Variants in DCHS1 observed in about 807,000 individuals in gnomAD.
DCHS1 encodes dachsous cadherin-related 1, also known as protocadherin-16.
A neutral mutation model predicts 213.9 loss-of-function variants in DCHS1; 78 were observed. The observed-to-expected ratio is 0.36, with a 90% CI of 0.30 to 0.44. The LOEUF is 0.44. DCHS1 is among the 20% of genes least tolerant of loss of function. The probability of loss-of-function intolerance (pLI) is 1.00; values close to 1 mark genes in which losing one functional copy is unlikely to be tolerated. For synonymous variants in DCHS1, 1,828 were observed against 1,873.7 expected (o/e 0.98, Z 0.63); for missense variants, 3,946 against 4,395.9 (o/e 0.90, Z 2.89).
intron 8 of DCHS1, 36 bp from the exon 9 acceptor site, chr11:6,631,246 C>G (rs1453247650): frequency 1.5e-5 from 24 of 1,612,950 alleles, no homozygotes; most frequent in Non-Finnish European, 2.0e-5. Flanking sequence ...GGCTTGGGGC[C>G]CAGAGCTGGG....
At chr11:6,643,501 C>A (rs1856111357) in intron 1 of DCHS1, among the ~76,000 whole-genome samples, 1 of 152,148 alleles carries the variant, frequency 6.6e-6, no homozygotes, top group Non-Finnish European at 1.5e-5. Flanking sequence ...AATCTCTTCT[C>A]CTCGGTTTCA....
At chr11:6,649,017 G>T (rs1432216564) in intron 1 of DCHS1, among the ~76,000 whole-genome samples, 1 of 152,026 alleles carries the variant, frequency 6.6e-6, no homozygotes, top group East Asian at 1.9e-4. Flanking sequence ...TTAAATGGTT[G>T]ATATGAGAGT....
chr11:6,626,869 C>T lies in DCHS1; in HGVS notation c.6170G>A (p.Gly2057Glu). 7 of 1,613,490 alleles carry T rather than the reference C, an allele frequency of 4.3e-6. No homozygotes were observed. Among genetic ancestry groups the T allele is most frequent in the Non-Finnish European group, 5.9e-6 (7 of 1,179,882 alleles). ...ARSATGVIIV[G>E]LQGEAERGPR... Reference sequence around the variant, plus strand: ...TCCACGCTCAGCTTCCCCCTGCAGTCCAACAATGATCACACCAGTGGCAGA... The same window carrying T: ...TCCACGCTCAGCTTCCCCCTGCAGTTCAACAATGATCACACCAGTGGCAGA... The change falls in exon 14 of 21, where the codon GGA becomes GAA. Residue 2057 changes from glycine to glutamate, a missense_variant. By Grantham distance (98) the Gly-to-Glu change is moderately conservative. Around this residue, in one of 3 missense-constraint regions of DCHS1, gnomAD observed 3,384 missense variants for 3,780.1 expected, o/e 0.90. Coordinates refer to ENST00000299441, the MANE Select transcript of DCHS1 (RefSeq NM_003737.4). This position sits in a 1 kb window ranked among gnomAD's most constrained non-coding sequence, Gnocchi z 5.2.
chr11:6,654,263 A>C (rs1856284670), intron 1 of DCHS1, among the ~76,000 whole-genome samples: 1 of 152,136 alleles, frequency 6.6e-6, no homozygotes, highest in African/African-American at 2.4e-5. Context: ...GGTAAGGGCA[A>C]CTGTGGCACA....
At chr11:6,642,162 A>G (rs1856087276) in intron 1 of DCHS1, among the ~76,000 whole-genome samples, 1 of 152,110 alleles carries the variant, frequency 6.6e-6, no homozygotes, top group African/African-American at 2.4e-5. Flanking sequence ...AATACTACAT[A>G]TGCTCAAGTC....
chr11:6,637,846 C>T (rs539996786), intron 2 of DCHS1, among the ~76,000 whole-genome samples: 32 of 152,176 alleles, frequency 2.1e-4, no homozygotes, highest in East Asian at 5.8e-4. Flanking sequence ...GACTGTATTC[C>T]GTGTCTCTAA....
chr11:6,629,610 G>A (rs1368121234), intron 11 of DCHS1, 33 bp from the exon 12 acceptor site: 2 of 1,613,218 alleles, frequency 1.2e-6, no homozygotes, highest in Admixed American at 1.7e-5. Flanking sequence ...GCGATCAGAG[G>A]GTAAAAATGC....
chr11:6,639,839 T>G lies in DCHS1; in HGVS notation c.1775A>C (p.Gln592Pro), dbSNP rs1431427458. ...CACCTGCAGGAAGCAAGTTCCAGGC[T>G]GGGTGCCCTCAGGCAGTGAGGCATT... is the stretch of plus-strand genomic sequence containing the variant. ...FYNASLPEGT[Q>P]PGTCFLQVTA... The change falls in exon 2 of 21, where the codon CAG becomes CCG. Residue 592 changes from glutamine (Q) to proline (P), a missense_variant. By Grantham distance (76) the Gln-to-Pro change is moderately conservative (BLOSUM62 -1). This residue lies in a region of DCHS1 where 3,384 missense variants were observed against 3,780.1 expected (regional missense o/e 0.90). Transcript: ENST00000299441. 1.2e-6 allele frequency: 2 copies of G among 1,602,660 alleles called. No individual in the cohort carries two copies. Among genetic ancestry groups the G allele is most frequent in the Admixed American group, 1.7e-5 (1 of 59,580 alleles).
At position 6,622,361 on chromosome 11, in the gene DCHS1, A is replaced by G; in HGVS notation, c.9315T>C (p.Thr3105=). ...AGLLLPGAGA[T]LYREEGPPAT... ...CTGGGGGCCCCTCCTCTCTGTAGAG[A>G]GTGGCTCCTGCACCTGGCAGCAGCA... The change falls in exon 21 of 21, where the codon ACT becomes ACC. Residue 3105 remains threonine (T), a synonymous_variant. Transcript: ENST00000299441. The surrounding 1 kb of genome is among the most constrained non-coding windows in gnomAD (Gnocchi z 5.4). 1.3e-6 allele frequency: 2 copies of G among 1,580,770 alleles called. No homozygotes were observed. Among genetic ancestry groups the G allele is most frequent in the Admixed American group, 1.8e-5 (1 of 55,380 alleles).
chr11:6,638,372 C>T (rs112591827), intron 2 of DCHS1, among the ~76,000 whole-genome samples: 2 of 152,352 alleles, frequency 1.3e-5, no homozygotes, highest in African/African-American at 4.8e-5. Flanking sequence ...GAGTCCTTCA[C>T]TTGCTCCCTA....
At chr11:6,636,206 ATTAT>A (rs1401520802) in intron 2 of DCHS1, among the ~76,000 whole-genome samples, 1 of 152,044 alleles carries the variant, frequency 6.6e-6, no homozygotes, top group African/African-American at 2.4e-5. Flanking sequence ...CAAAACATAA[ATTAT>A]TTATTTATTT....
chr11:6,635,108 C>T (rs758048933), intron 2 of DCHS1: 3 of 152,108 alleles, frequency 2.0e-5, no homozygotes, highest in Admixed American at 1.3e-4. Context: ...AAGAACTCAC[C>T]GACAGTGGAA....
rs1855900635 is a variant in DCHS1 at position 6,631,131 on chromosome 11, C to G, written c.3852G>C (p.Arg1284=). The G allele has an allele frequency of 6.2e-7, 1 of 1,613,374 alleles. No homozygotes were observed. Among genetic ancestry groups the G allele is most frequent in the Admixed American group, 1.7e-5 (1 of 59,978 alleles). Residue 1284 remains arginine, a synonymous_variant, in exon 9 of 21, where the codon CGG becomes CGC. Transcript: ENST00000299441. ...LTAAPLIRAE[R]PHYVLTLSAH... ...CACTCAGTGTCAGCACATAGTGGGG[C>G]CGCTCTGCTCGGATCAGGGGAGCTG... is the stretch of plus-strand genomic sequence containing the variant.
rs1344992435 is a variant in DCHS1 at position 6,633,908 on chromosome 11, G to T, written c.2099C>A (p.Pro700Gln). Residue 700 changes from proline to glutamine, a missense_variant, in exon 4 of 21, where the codon CCA becomes CAA. Physicochemically the swap from Pro to Gln is moderately conservative, Grantham distance 76. Coordinates refer to ENST00000299441, the MANE Select transcript of DCHS1 (RefSeq NM_003737.4). The part of the protein sequence containing the change: ...YAASISAQSP[P>Q]GTAVLRLRAH... ...ACGCAACCTCAGCACAGCTGTGCCTGGTGGACTCTGGGCACTTATACTGGC... is the reference window on the plus strand; with the variant it reads ...ACGCAACCTCAGCACAGCTGTGCCTTGTGGACTCTGGGCACTTATACTGGC... 6.2e-7 allele frequency: 1 copy of T among 1,613,908 alleles called. No homozygotes were observed. Among genetic ancestry groups the T allele is most frequent in the Admixed American group, 1.7e-5 (1 of 60,006 alleles).
In DCHS1 at chr11:6,632,998, G is replaced by A; in HGVS notation, c.2514C>T (p.Ser838=). 6.2e-7 allele frequency: 1 copy of A among 1,613,220 alleles called. No homozygotes were observed. The highest frequency in any genetic ancestry group is 8.5e-7 in the Non-Finnish European group (1 of 1,179,230). ...GCAACAGTCCTGATACCGCATCTAG[G>A]GAGAAGAGTCCTCGGGGATCCCCAC... ...LSGGDPRGLF[S]LDAVSGLLQT... is the part of the protein sequence containing the mutation. Residue 838 remains serine, a synonymous_variant, in exon 6 of 21, where the codon TCC becomes TCT. Transcript: ENST00000299441. This position sits in a 1 kb window ranked among gnomAD's most constrained non-coding sequence, Gnocchi z 5.9.
rs1855848690 is a variant in DCHS1, at chr11:6,628,588, T to A, written c.5371+33A>T. 1.2e-6 allele frequency: 2 copies of A among 1,610,814 alleles called. No homozygotes were observed. The highest frequency in any genetic ancestry group is 1.7e-6 in the Non-Finnish European group (2 of 1,177,774). On this transcript the variant is annotated intron_variant, in intron 13 of 20. Transcript: ENST00000299441. The surrounding 1 kb of genome is among the most constrained non-coding windows in gnomAD (Gnocchi z 4.3). ...AAGGAGCAAGAACCAGGCAAGTGGG[T>A]GCTGAATTAAGTGGGAGTGGGAAGG... is the stretch of plus-strand genomic sequence containing the variant.
At chr11:6,655,443 T>G in intron 1 of DCHS1, 120 bp downstream of exon 1, 1 of 474,308 alleles carries the variant, frequency 2.1e-6, no homozygotes, top group Non-Finnish European at 2.6e-6. Flanking sequence ...AGGCCCCCCC[T>G]CCCCCATTGT....
Position 6,622,744 on chromosome 11 carries a change from C to T in DCHS1, c.8932G>A (p.Ala2978Thr). 1.3e-6 allele frequency: 2 copies of T among 1,591,448 alleles called. No homozygotes were observed. The highest frequency in any genetic ancestry group is 1.7e-6 in the Non-Finnish European group (2 of 1,169,286). The change falls in exon 21 of 21, where the codon GCA becomes ACA. Residue 2978 changes from alanine to threonine, a missense_variant. Transcript: ENST00000299441. This position sits in a 1 kb window ranked among gnomAD's most constrained non-coding sequence, Gnocchi z 5.4. The part of the protein sequence containing the change: ...AEAAPGPMSQ[A>T]APLASDSLQK... ...AGTGAGTCACTGGCTAGGGGTGCTG[C>T]CTGTGACATTGGGCCAGGGGCTGCC...
chr11:6,641,799 G>C lies in DCHS1; in HGVS notation c.-120-66C>G, dbSNP rs751048128. 1.1e-3 allele frequency: 1,403 copies of C among 1,312,446 alleles called. 1 individual carries two copies. Among genetic ancestry groups the C allele is most frequent in the Admixed American group, 1.6e-3 (56 of 34,346 alleles). The allele number at this position is 1,312,446 out of a possible 1,614,324, so 81.3% of individuals were successfully genotyped here. ...GATCAGCAGTCCAGATAACCTGGAC[G>C]AGGCCACATCAACATTCAGATATGC... On this transcript the variant is annotated intron_variant, in intron 1 of 20. Coordinates refer to ENST00000299441, the MANE Select transcript of DCHS1 (RefSeq NM_003737.4). The surrounding 1 kb of genome is among the most constrained non-coding windows in gnomAD (Gnocchi z 7.1).
Sources: allele counts gnomAD v4.1 joint callset (sites outside exome capture counted in the v4.1 genomes callset), GRCh38; gene constraint gnomAD v4.1.1; regional missense constraint gnomAD v4.1.1; non-coding constraint Gnocchi (gnomAD v3.1); transcripts MANE v1.5; gene names NCBI Gene and HGNC (gene_info 2026-07-23, HGNC 2026-07-21).